RBFOX3: variants seen among roughly 807,000 people sequenced by gnomAD.
RBFOX3 encodes the protein RNA binding protein fox-1 homolog 3.
A neutral mutation model predicts 48.7 loss-of-function variants in RBFOX3; 17 were observed. That is an observed-to-expected ratio of 0.35 (90% CI 0.24 to 0.52). RBFOX3 has a LOEUF of 0.52. Ranked by LOEUF, RBFOX3 falls within the 20% of genes least tolerant of loss-of-function variation. The pLI, the probability that RBFOX3 is intolerant of heterozygous loss-of-function variation, is 0.94. For synonymous variants in RBFOX3, 212 were observed against 209.5 expected, an observed-to-expected ratio of 1.01 and a Z score of -0.10; for missense variants, 382 against 497.5, an observed-to-expected ratio of 0.77 and a Z score of 2.21.
Position 79,319,407 on chromosome 17 carries a change from A to G in RBFOX3, c.-174-11583T>C, listed in dbSNP as rs73421495. 8.1e-3 allele frequency among the ~76,000 whole-genome samples: 1,238 copies of G among 152,342 alleles called. 15 individuals carry two copies. The highest frequency in any genetic ancestry group is 0.028 in the African/African-American group (1,170 of 41,574). On this transcript the variant is annotated intron_variant, in intron 2 of 14. Transcript: ENST00000693108. ...ATGAAGCCCTGTCCCAGGAGGTCCC[A>G]CTTGGGCTGCCGGAGTGGTGATGAC...
At chr17:79,387,679 C>A (rs1354962718) in intron 2 of RBFOX3, among the ~76,000 whole-genome samples, 1 of 152,222 alleles carries the variant, frequency 6.6e-6, no homozygotes, top group Non-Finnish European at 1.5e-5. Flanking sequence ...CTGGGGGCCC[C>A]CAGGCTGGGT....
intron 1 of RBFOX3, among the ~76,000 whole-genome samples, chr17:79,504,313 C>T (rs936146991): frequency 2.4e-4 from 36 of 152,252 alleles, no homozygotes; most frequent in African/African-American, 7.7e-4. Context: ...GGCCATGGGA[C>T]GCTTCCCTCC....
chr17:79,114,133 G>T (rs1212171723), intron 5 of RBFOX3, among the ~76,000 whole-genome samples: 1 of 152,300 alleles, frequency 6.6e-6, no homozygotes. Context: ...GTCAGAAGGA[G>T]ACCCAGCCTG....
At chr17:79,629,980 G>A in the RBFOX3 span, among the ~76,000 whole-genome samples, 1 of 151,998 alleles carries the variant, frequency 6.6e-6, no homozygotes, top group East Asian at 1.9e-4. Context: ...GTGGACGACG[G>A]GCTATTTTGT....
chr17:79,581,269 A>ACAAG (rs2093049557), intron 1 of RBFOX3, among the ~76,000 whole-genome samples: 2 of 151,880 alleles, frequency 1.3e-5, no homozygotes, highest in African/African-American at 4.9e-5. Context: ...AAACAAACAA[A>ACAAG]AAAACAAACA....
intron 4 of RBFOX3, among the ~76,000 whole-genome samples, chr17:79,216,707 C>A (rs1457875137): frequency 1.3e-5 from 2 of 152,170 alleles, no homozygotes; most frequent in Admixed American, 6.5e-5. Flanking sequence ...CAGCAAATAT[C>A]CCTGTCCTGC....
At chr17:79,632,197 AAC>A in the RBFOX3 span, among the ~76,000 whole-genome samples, 1 of 152,204 alleles carries the variant, frequency 6.6e-6, no homozygotes, top group East Asian at 1.9e-4. Context: ...TAATATTCTG[AAC>A]AGAATTTAAT....
Position 79,196,673 on chromosome 17 carries a change from C to T in RBFOX3, c.-34+39093G>A, listed in dbSNP as rs374855037. ...CCGGATGGACTGCACTTGCCCTGCT[C>T]ATCTCCTAGGCCTTGGTACAGAAAG... On this transcript the variant is annotated intron_variant, in intron 4 of 14. Coordinates refer to ENST00000693108, the MANE Select transcript of RBFOX3 (RefSeq NM_001350451.2). 2.3e-4 allele frequency among the ~76,000 whole-genome samples: 35 copies of T among 152,256 alleles called. No individual in the cohort carries two copies. In the East Asian group the frequency reaches 2.5e-3, roughly 11 times the overall value.
intron 1 of RBFOX3, among the ~76,000 whole-genome samples, chr17:79,607,798 G>T (rs1359181195): frequency 6.6e-6 from 1 of 152,202 alleles, no homozygotes; most frequent in African/African-American, 2.4e-5. Context: ...AGCCAGGGAA[G>T]ATGGCATTTT....
At chr17:79,213,368 G>A (rs1358020181) in intron 4 of RBFOX3, among the ~76,000 whole-genome samples, 1 of 152,194 alleles carries the variant, frequency 6.6e-6, no homozygotes, top group Non-Finnish European at 1.5e-5. Context: ...AAGGGAAGCT[G>A]TGTCTTCACC....
chr17:79,143,794 A>G (rs1427831263), intron 4 of RBFOX3, among the ~76,000 whole-genome samples: 1 of 152,202 alleles, frequency 6.6e-6, no homozygotes, highest in Admixed American at 6.5e-5. Context: ...CCCCTCCTGC[A>G]GGAAGCACTG....
At chr17:79,462,857 TATCTGAC>T (rs1555749932) in intron 2 of RBFOX3, among the ~76,000 whole-genome samples, 1 of 152,184 alleles carries the variant, frequency 6.6e-6, no homozygotes, top group Admixed American at 6.5e-5. Flanking sequence ...ACACAGCGGT[TATCTGAC>T]ATTTACTTCT....
At chr17:79,496,069 T>C (rs1018387112) in intron 1 of RBFOX3, among the ~76,000 whole-genome samples, 2 of 151,786 alleles carry the variant, frequency 1.3e-5, no homozygotes, top group South Asian at 2.1e-4. Context: ...GCGACCTTAA[T>C]AGAATGCTGA....
chr17:79,416,323 C>T (rs1555719007), intron 2 of RBFOX3, among the ~76,000 whole-genome samples: 1 of 152,216 alleles, frequency 6.6e-6, no homozygotes, highest in Non-Finnish European at 1.5e-5. Context: ...TTGGCCATGG[C>T]CCCTGCCAAA....
chr17:79,389,107 C>T (rs1157421030), intron 2 of RBFOX3, among the ~76,000 whole-genome samples: 4 of 150,988 alleles, frequency 2.6e-5, no homozygotes, highest in South Asian at 2.1e-4. Flanking sequence ...CGCGGGGGGG[C>T]GGTGTGGCAA....
At chr17:79,137,880 G>A (rs894858020) in intron 4 of RBFOX3, among the ~76,000 whole-genome samples, 1 of 152,182 alleles carries the variant, frequency 6.6e-6, no homozygotes, top group African/African-American at 2.4e-5. Flanking sequence ...TGAGGGAGCC[G>A]CGGCCCGTTC....
chr17:79,213,820 C>T (rs758971971), intron 4 of RBFOX3, among the ~76,000 whole-genome samples: 6 of 152,316 alleles, frequency 3.9e-5, no homozygotes, highest in South Asian at 2.1e-4. Flanking sequence ...GGGCTGCGAA[C>T]GTCACAGGAA....
intron 1 of RBFOX3, among the ~76,000 whole-genome samples, chr17:79,483,832 C>T (rs2079131184): frequency 6.6e-6 from 1 of 152,292 alleles, no homozygotes; most frequent in Non-Finnish European, 1.5e-5. Flanking sequence ...ATTAATACTT[C>T]TGGGTTTATT....
intron 2 of RBFOX3, among the ~76,000 whole-genome samples, chr17:79,434,493 G>T (rs2148920878): frequency 6.6e-6 from 1 of 152,286 alleles, no homozygotes; most frequent in East Asian, 1.9e-4. Context: ...CACCTGGGTA[G>T]GCTGAAGTCC....
Sources: gnomAD v4.1 joint callset for allele counts (sites outside exome capture counted in the v4.1 genomes callset) on GRCh38, gnomAD v4.1.1 for gene constraint, MANE v1.5 for transcripts, NCBI Gene and HGNC (gene_info 2026-07-23, HGNC 2026-07-21) for gene names.